The following REV3L variants were observed in gnomAD, a reference collection of about 807,000 sequenced individuals.
REV3L encodes DNA polymerase zeta catalytic subunit.
Under a neutral mutation model 299.4 loss-of-function variants are expected in REV3L, and 69 were observed. That is an observed-to-expected ratio of 0.23 (90% CI 0.19 to 0.28). The LOEUF (loss-of-function observed/expected upper bound fraction) is 0.28, where lower values mean the gene tolerates loss of function less well. Ranked by LOEUF, REV3L falls within the 10% of genes least tolerant of loss-of-function variation. The probability of loss-of-function intolerance (pLI) is 1.00; values close to 1 mark genes in which losing one functional copy is unlikely to be tolerated. For synonymous variants in REV3L, 1,238 were observed against 1,271.4 expected (o/e 0.97, Z 0.56); for missense variants, 3,128 against 3,693.8 (o/e 0.85, Z 3.97).
intron 26 of REV3L, among the ~76,000 whole-genome samples, chr6:111,320,323 C>T (rs1469348521): frequency 6.6e-6 from 1 of 152,214 alleles, no homozygotes; most frequent in Non-Finnish European, 1.5e-5. Context: ...GCCTTGGCCT[C>T]CCAAAGTGCT....
intron 1 of REV3L, among the ~76,000 whole-genome samples, chr6:111,456,970 T>C (rs1790231767): frequency 6.6e-6 from 1 of 152,190 alleles, no homozygotes; most frequent in South Asian, 2.1e-4. Context: ...TTTCTAAGTT[T>C]AAATTTGTTT....
chr6:111,409,138 C>T (rs1783968588), intron 3 of REV3L, among the ~76,000 whole-genome samples: 1 of 152,184 alleles, frequency 6.6e-6, no homozygotes, highest in African/African-American at 2.4e-5. Flanking sequence ...TGGATTATTA[C>T]ATCAGCTTCT....
chr6:111,380,264 T>C (rs1291989421), intron 10 of REV3L, 45 bp from the exon 11 acceptor site: 1 of 1,442,070 alleles, frequency 6.9e-7, no homozygotes. Flanking sequence ...GTTTTCTTTT[T>C]TTTTTTTGAC....
At chr6:111,432,518 T>A (rs1346426025) in intron 1 of REV3L, among the ~76,000 whole-genome samples, 4 of 152,188 alleles carry the variant, frequency 2.6e-5, no homozygotes, top group African/African-American at 9.6e-5. Context: ...ATTATAAATA[T>A]CTATGCATGC....
chr6:111,360,198 T>A (rs1160239258), intron 16 of REV3L, among the ~76,000 whole-genome samples: 3 of 152,262 alleles, frequency 2.0e-5, no homozygotes, highest in Admixed American at 1.3e-4. Flanking sequence ...GGCAGATCTG[T>A]ATGTCCTAAT....
intron 1 of REV3L, among the ~76,000 whole-genome samples, chr6:111,434,116 T>A (rs1018846371): frequency 2.0e-5 from 3 of 152,200 alleles, no homozygotes; most frequent in Admixed American, 6.5e-5. Context: ...AAGCCTTTCC[T>A]CTAAGATCTG....
At chr6:111,395,638 C>T (rs968144233) in intron 4 of REV3L, among the ~76,000 whole-genome samples, 1 of 152,012 alleles carries the variant, frequency 6.6e-6, no homozygotes, top group East Asian at 1.9e-4. Context: ...TATCATGTCA[C>T]CTGTGAAAAA....
At position 111,376,742 on chromosome 6, in the gene REV3L, T is replaced by C. The variant is rs765171070; in HGVS notation, c.1613A>G (p.Asn538Ser). 1 of 1,588,006 alleles carries C rather than the reference T, an allele frequency of 6.3e-7. No individual in the cohort carries two copies. Among genetic ancestry groups the C allele is most frequent in the Non-Finnish European group, 8.5e-7 (1 of 1,175,168 alleles). Reference sequence around the variant, plus strand: ...AGAAGAGTGGGTTCTAGAATTTTCATTGTTCAATGGATTGTCTGAAATGAG... The same window carrying C: ...AGAAGAGTGGGTTCTAGAATTTTCACTGTTCAATGGATTGTCTGAAATGAG... Reference protein sequence around the residue: ...ADENSDNPLNNENSRTHSSVI... With the variant: ...ADENSDNPLNSENSRTHSSVI... The change falls in exon 13 of 32, where the codon AAT (asparagine) becomes AGT (serine). Residue 538 changes from asparagine (N) to serine (S), a missense_variant. By Grantham distance (46) the Asn-to-Ser change is conservative. Transcript: ENST00000368802.
Position 111,380,153 on chromosome 6 carries a change from C to G in REV3L, c.1283G>C (p.Gly428Ala), listed in dbSNP as rs554888953. 5.0e-6 allele frequency: 8 copies of G among 1,614,064 alleles called. No individual in the cohort carries two copies. Among genetic ancestry groups the G allele is most frequent in the Non-Finnish European group, 5.1e-6 (6 of 1,179,970 alleles). The change falls in exon 11 of 32, where the codon GGG becomes GCG. Residue 428 changes from glycine to alanine, a missense_variant. Gly to Ala is a moderately conservative substitution (Grantham distance 60, BLOSUM62 0). This residue lies in a region of REV3L where 2,409 missense variants were observed against 2,611.8 expected (regional missense o/e 0.92). Coordinates refer to ENST00000368802, the MANE Select transcript of REV3L (RefSeq NM_001372078.1). Reference sequence around the variant, plus strand: ...TGGTGATGGCATCCTATTTCTTTCCCCCCGATATCCATCACTTTCCAAACC... The same window carrying G: ...TGGTGATGGCATCCTATTTCTTTCCGCCCGATATCCATCACTTTCCAAACC... The part of the protein sequence containing the change: ...LAGLESDGYR[G>A]ERNRMPSPCR...
chr6:111,482,702 G>A, intron 1 of REV3L, 48 bp downstream of exon 1: 1 of 1,163,226 alleles, frequency 8.6e-7, no homozygotes, highest in Non-Finnish European at 1.1e-6. Context: ...GGGCGGCCCC[G>A]GCGCCCCGCC....
chr6:111,436,102 C>T (rs978962458), intron 1 of REV3L, among the ~76,000 whole-genome samples: 4 of 152,136 alleles, frequency 2.6e-5, no homozygotes, highest in Middle Eastern at 3.4e-3. Flanking sequence ...AATCATAATG[C>T]GATATCATCT....
chr6:111,423,596 TA>T (rs1050868808), intron 1 of REV3L, among the ~76,000 whole-genome samples: 49 of 152,276 alleles, frequency 3.2e-4, no homozygotes, highest in African/African-American at 1.1e-3. Context: ...ATGCATGTAC[TA>T]ATGACCTGTA....
chr6:111,301,170 T>A (rs1424517990), intron 31 of REV3L, among the ~76,000 whole-genome samples: 1 of 152,188 alleles, frequency 6.6e-6, no homozygotes, highest in African/African-American at 2.4e-5. Flanking sequence ...CCAGGCTTGC[T>A]AGGATTAGGA....
chr6:111,427,633 G>T (rs1786338037), intron 1 of REV3L, among the ~76,000 whole-genome samples: 2 of 152,158 alleles, frequency 1.3e-5, no homozygotes, highest in Admixed American at 1.3e-4. Flanking sequence ...CCCTCAATCT[G>T]TCCAGCACCA....
intron 20 of REV3L, among the ~76,000 whole-genome samples, chr6:111,346,843 T>C (rs1777080911): frequency 6.6e-6 from 1 of 152,230 alleles, no homozygotes; most frequent in East Asian, 1.9e-4. Flanking sequence ...TTTAAGCTAC[T>C]AGTTAATTTG....
rs577377729 is a variant in REV3L at position 111,435,557 on chromosome 6, GA to G, written c.140-19086del. Among the ~76,000 whole-genome samples the G allele has an allele frequency of 9.2e-5, 14 of 152,120 alleles. No individual in the cohort carries two copies. The East Asian group carries it at 2.3e-3, about 25-fold the overall frequency. On this transcript the variant is annotated intron_variant, in intron 1 of 31. Transcript: ENST00000368802. ...AAAGGCATCAAAAACATACAATGGG[GA>G]AAAAAACAGTCTCTTCAACAAATGG...
At chr6:111,331,401 G>C (rs1296580803) in intron 24 of REV3L, among the ~76,000 whole-genome samples, 3 of 152,130 alleles carry the variant, frequency 2.0e-5, no homozygotes, top group African/African-American at 7.2e-5. Context: ...ATAAAGGGCA[G>C]AAAGTATAAG....
At chr6:111,327,961 G>A (rs977988734) in intron 25 of REV3L, among the ~76,000 whole-genome samples, 7 of 152,034 alleles carry the variant, frequency 4.6e-5, no homozygotes, top group Admixed American at 3.3e-4. Flanking sequence ...TTCTCTTACT[G>A]AACTAATGCA....
At chr6:111,479,786 C>A (rs1033246005) in intron 1 of REV3L, among the ~76,000 whole-genome samples, 1 of 152,146 alleles carries the variant, frequency 6.6e-6, no homozygotes, top group African/African-American at 2.4e-5. Flanking sequence ...GTTGGGATTA[C>A]AGGCATGAGC....
Sources: allele counts gnomAD v4.1 joint callset (sites outside exome capture counted in the v4.1 genomes callset), GRCh38; gene constraint gnomAD v4.1.1; regional missense constraint gnomAD v4.1.1; transcripts MANE v1.5; gene names NCBI Gene and HGNC (gene_info 2026-07-23, HGNC 2026-07-21).